ZCCHC24: variants seen among roughly 807,000 people sequenced by gnomAD.
The protein encoded by ZCCHC24 is zinc finger CCHC domain-containing protein 24.
Under a neutral mutation model 26.2 loss-of-function variants are expected in ZCCHC24, and 10 were observed. That is an observed-to-expected ratio of 0.38 (90% CI 0.24 to 0.65). The LOEUF (loss-of-function observed/expected upper bound fraction) is 0.65, where lower values mean the gene tolerates loss of function less well. Ranked by LOEUF, ZCCHC24 falls within the 30% of genes least tolerant of loss-of-function variation. ZCCHC24 has a pLI of 0.54. For missense variants in ZCCHC24, 243 were observed against 329.1 expected, an observed-to-expected ratio of 0.74 and a Z score of 2.03; for synonymous variants, 144 against 147.1, an observed-to-expected ratio of 0.98 and a Z score of 0.15.
intron 2 of ZCCHC24, among the ~76,000 whole-genome samples, chr10:79,424,527 G>A (rs1485334171): frequency 6.6e-6 from 1 of 152,096 alleles, no homozygotes; most frequent in East Asian, 1.9e-4. Flanking sequence ...TTCAGCTTCT[G>A]CTCACCGCTG....
chr10:79,439,227 A>C (rs1857258592), intron 1 of ZCCHC24, among the ~76,000 whole-genome samples: 1 of 152,242 alleles, frequency 6.6e-6, no homozygotes, highest in Non-Finnish European at 1.5e-5. Flanking sequence ...AGAGGTCCCT[A>C]ACCAAAGAAG....
intron 3 of ZCCHC24, among the ~76,000 whole-genome samples, chr10:79,389,529 A>T (rs915946072): frequency 4.0e-4 from 58 of 146,332 alleles, no homozygotes; most frequent in African/African-American, 1.3e-3. Context: ...ACTTTTTCCT[A>T]GTGTGTGTGT....
Position 79,392,040 on chromosome 10 carries a change from C to T in ZCCHC24, c.612+2236G>A, listed in dbSNP as rs148090948. Among the ~76,000 whole-genome samples the T allele has an allele frequency of 2.0e-3, 299 of 152,072 alleles. 1 individual carries two copies. The highest frequency in any genetic ancestry group is 3.5e-3 in the African/African-American group (144 of 41,474). Reference sequence around the variant, plus strand: ...AGACTCCACCCAGTCCACAGGCCCACCCGGCCTCCCTCTCCACCGGTCCCG... The same window carrying T: ...AGACTCCACCCAGTCCACAGGCCCATCCGGCCTCCCTCTCCACCGGTCCCG... On this transcript the variant is annotated intron_variant, in intron 3 of 3. Transcript: ENST00000372336.
At chr10:79,439,849 G>A (rs912641058) in intron 1 of ZCCHC24, among the ~76,000 whole-genome samples, 6 of 151,494 alleles carry the variant, frequency 4.0e-5, no homozygotes, top group Non-Finnish European at 8.8e-5. Flanking sequence ...ATCTTTCACA[G>A]GCTCACAGCA....
At chr10:79,434,707 G>A (rs916443734) in intron 1 of ZCCHC24, among the ~76,000 whole-genome samples, 1 of 152,154 alleles carries the variant, frequency 6.6e-6, no homozygotes, top group Admixed American at 6.5e-5. Context: ...TCGAGGGCCC[G>A]AAATCTGTAT....
chr10:79,420,105 C>G (rs1294636408), intron 2 of ZCCHC24, among the ~76,000 whole-genome samples: 2 of 145,414 alleles, frequency 1.4e-5, no homozygotes, highest in East Asian at 2.1e-4. Flanking sequence ...TGCTCCTAGG[C>G]AAGCACTTGG....
chr10:79,429,617 T>G (rs1186236636), intron 2 of ZCCHC24, among the ~76,000 whole-genome samples: 1 of 152,090 alleles, frequency 6.6e-6, no homozygotes, highest in Non-Finnish European at 1.5e-5. Flanking sequence ...CTAAGGAGTA[T>G]GAAATTCCTT....
chr10:79,386,782 G>C (rs1856403942), intron 3 of ZCCHC24, among the ~76,000 whole-genome samples: 1 of 152,206 alleles, frequency 6.6e-6, no homozygotes, highest in South Asian at 2.1e-4. Flanking sequence ...CAGGGCTGTG[G>C]AGGGGCCTTG....
intron 3 of ZCCHC24, among the ~76,000 whole-genome samples, chr10:79,392,889 T>C (rs1856497967): frequency 6.6e-6 from 1 of 152,258 alleles, no homozygotes; most frequent in African/African-American, 2.4e-5. Context: ...TTTGTAAAAT[T>C]TGAGGACCAT....
chr10:79,436,123 TC>T (rs1160986313), intron 1 of ZCCHC24, among the ~76,000 whole-genome samples: 11 of 152,112 alleles, frequency 7.2e-5, no homozygotes, highest in Admixed American at 7.2e-4. Flanking sequence ...TCTGTGGCCT[TC>T]CTTCTGTGGC....
Position 79,401,592 on chromosome 10 carries a change from C to T in ZCCHC24, c.448-7152G>A, listed in dbSNP as rs544315620. On this transcript the variant is annotated intron_variant, in intron 2 of 3. Transcript: ENST00000372336. ...GGGATGGTGAGAAACGGGAAGGGGC[C>T]GCTGTTCTCATGGGTCCTGGCATGC... Among the ~76,000 whole-genome samples the T allele has an allele frequency of 8.5e-5, 13 of 152,326 alleles. No homozygotes were observed. In the South Asian group the frequency reaches 1.9e-3, roughly 22 times the overall value.
Position 79,386,369 on chromosome 10 carries a change from G to C in ZCCHC24, c.702C>G (p.Gly234=). 6.2e-7 allele frequency: 1 copy of C among 1,613,452 alleles called. No homozygotes were observed. Among genetic ancestry groups the C allele is most frequent in the Non-Finnish European group, 8.5e-7 (1 of 1,179,832 alleles). Reference sequence around the variant, plus strand: ...GTCACTGCACGCGACGGCAGTAGTAGCCCAGGACCTTGCACTTCTCGCAGA... The same window carrying C: ...GTCACTGCACGCGACGGCAGTAGTACCCCAGGACCTTGCACTTCTCGCAGA... ...QHLCEKCKVL[G]YYCRRVQ The change falls in exon 4 of 4, where the codon GGC becomes GGG. Residue 234 remains glycine (G), a synonymous_variant. Coordinates refer to ENST00000372336, the MANE Select transcript of ZCCHC24 (RefSeq NM_153367.4).
chr10:79,391,584 C>G (rs567702870), intron 3 of ZCCHC24, among the ~76,000 whole-genome samples: 12 of 152,066 alleles, frequency 7.9e-5, no homozygotes, highest in African/African-American at 2.9e-4. Context: ...AGCCCCCATA[C>G]ATCTGAGGCC....
chr10:79,417,945 G>T (rs1438712294), intron 2 of ZCCHC24, among the ~76,000 whole-genome samples: 1 of 152,164 alleles, frequency 6.6e-6, no homozygotes, highest in Non-Finnish European at 1.5e-5. Context: ...TGGCCACCTT[G>T]CCCCAGCTGG....
chr10:79,410,138 C>A (rs1420060142), intron 2 of ZCCHC24, among the ~76,000 whole-genome samples: 1 of 152,218 alleles, frequency 6.6e-6, no homozygotes, highest in African/African-American at 2.4e-5. Context: ...ACCCTTCCCC[C>A]AGATGCCCAC....
intron 2 of ZCCHC24, 72 bp from the exon 3 acceptor site, chr10:79,394,512 G>T: frequency 6.4e-7 from 1 of 1,561,708 alleles, no homozygotes. Context: ...GGTTCCCCTG[G>T]CCTCCGCCTC....
chr10:79,444,268 T>G, intron 1 of ZCCHC24: 1 of 1,430,210 alleles, frequency 7.0e-7, no homozygotes, highest in Non-Finnish European at 9.2e-7. Flanking sequence ...AGGGGAGGAG[T>G]CCAGCCCACG....
chr10:79,444,042 C>A, intron 1 of ZCCHC24: 2 of 1,507,824 alleles, frequency 1.3e-6, no homozygotes, highest in South Asian at 1.3e-5. Context: ...CCAGCACACC[C>A]TTGCGTACAT....
At chr10:79,431,460 G>A (rs1589677354) in intron 2 of ZCCHC24, among the ~76,000 whole-genome samples, 1 of 152,178 alleles carries the variant, frequency 6.6e-6, no homozygotes, top group Non-Finnish European at 1.5e-5. Flanking sequence ...GGGGCACACA[G>A]ATCACCTGGG....
Sources: allele counts gnomAD v4.1 joint callset (sites outside exome capture counted in the v4.1 genomes callset), GRCh38; gene constraint gnomAD v4.1.1; transcripts MANE v1.5; gene names NCBI Gene and HGNC (gene_info 2026-07-23, HGNC 2026-07-21).